Variants in EBF1 observed in about 807,000 individuals in gnomAD.
The protein encoded by EBF1 is transcription factor COE1.
EBF1 carries 10 observed loss-of-function variants against 68.4 expected under a neutral mutation model. The observed-to-expected ratio is 0.15, with a 90% CI of 0.09 to 0.25. The LOEUF (loss-of-function observed/expected upper bound fraction) is 0.25, where lower values mean the gene tolerates loss of function less well. EBF1 is among the 10% of genes least tolerant of loss of function. EBF1 has a pLI of 1.00. For synonymous variants in EBF1, 298 were observed against 299.8 expected (o/e 0.99, Z 0.06); for missense variants, 509 against 794.4 (o/e 0.64, Z 4.32).
intron 11 of EBF1, among the ~76,000 whole-genome samples, chr5:158,725,501 G>A (rs1227037078): frequency 3.3e-5 from 5 of 152,238 alleles, no homozygotes; most frequent in Admixed American, 6.5e-5. Flanking sequence ...TTAAAATACT[G>A]TGATCACTTA....
At position 158,823,249 on chromosome 5, in the gene EBF1, A is replaced by G. The variant is rs1562032038; in HGVS notation, c.705T>C (p.His235=). The G allele has an allele frequency of 8.1e-6, 13 of 1,613,884 alleles. No homozygotes were observed. The highest frequency in any genetic ancestry group is 1.1e-5 in the Non-Finnish European group (13 of 1,179,924). ...CCCTCCGCCCATGCTTGGAATTATTATGGACAAACATGTTATCAGAGACTG... is the reference window on the plus strand; with the variant it reads ...CCCTCCGCCCATGCTTGGAATTATTGTGGACAAACATGTTATCAGAGACTG... The part of the protein sequence containing the change: ...VLAVSDNMFV[H]NNSKHGRRAR... The change falls in exon 8 of 16, where the codon CAT becomes CAC. Residue 235 remains histidine (H), a synonymous_variant. Transcript: ENST00000313708.
rs373219007 is a variant in EBF1, at chr5:158,808,240, C to T, written c.779-11765G>A. Among the ~76,000 whole-genome samples the T allele has an allele frequency of 5.3e-5, 8 of 152,242 alleles. No individual in the cohort carries two copies. The East Asian group carries it at 1.5e-3, about 29-fold the overall frequency. On this transcript the variant is annotated intron_variant, in intron 8 of 15. Coordinates refer to ENST00000313708, the MANE Select transcript of EBF1 (RefSeq NM_024007.5). ...CTATGATGTACTGACTCAACTTCCT[C>T]AAAAATTACTCTTTGGGGTCTGGGC...
intron 6 of EBF1, among the ~76,000 whole-genome samples, chr5:159,035,031 A>G (rs1192739499): frequency 6.6e-6 from 1 of 152,216 alleles, no homozygotes; most frequent in Admixed American, 6.5e-5. Context: ...GAAAATCAAA[A>G]AATAAACCAG....
intron 6 of EBF1, among the ~76,000 whole-genome samples, chr5:158,944,987 A>T (rs1260423020): frequency 2.0e-5 from 3 of 152,046 alleles, no homozygotes; most frequent in Non-Finnish European, 4.4e-5. Context: ...TGTCAGATGG[A>T]TAGATTGCAA....
At chr5:159,002,956 G>A (rs1283964159) in intron 6 of EBF1, among the ~76,000 whole-genome samples, 1 of 152,188 alleles carries the variant, frequency 6.6e-6, no homozygotes, top group Non-Finnish European at 1.5e-5. Context: ...GAAGTTTTGT[G>A]AAAATAATCA....
intron 8 of EBF1, among the ~76,000 whole-genome samples, chr5:158,815,456 ATAAG>A (rs1783526121): frequency 6.6e-6 from 1 of 152,198 alleles, no homozygotes; most frequent in African/African-American, 2.4e-5. Flanking sequence ...TGATGAGATG[ATAAG>A]TAAAATAGTT....
intron 4 of EBF1, among the ~76,000 whole-genome samples, chr5:159,089,604 A>G (rs573575091): frequency 2.6e-5 from 4 of 152,282 alleles, no homozygotes; most frequent in African/African-American, 9.6e-5. Flanking sequence ...CTTTTCTAAT[A>G]GTTTTAACTC....
intron 11 of EBF1, among the ~76,000 whole-genome samples, chr5:158,727,157 T>C (rs1249046783): frequency 6.6e-6 from 1 of 152,180 alleles, no homozygotes; most frequent in East Asian, 1.9e-4. Context: ...TCTATGATCT[T>C]CGAAAACCTT....
At chr5:158,806,682 A>G (rs1246293356) in intron 8 of EBF1, among the ~76,000 whole-genome samples, 1 of 152,206 alleles carries the variant, frequency 6.6e-6, no homozygotes, top group African/African-American at 2.4e-5. Context: ...GTGCACATAA[A>G]CATTTTGTAA....
intron 6 of EBF1, among the ~76,000 whole-genome samples, chr5:158,925,106 T>C (rs1451403004): frequency 6.6e-6 from 1 of 152,130 alleles, no homozygotes; most frequent in African/African-American, 2.4e-5. Flanking sequence ...CCTGAAATAG[T>C]TCTCCTCACA....
chr5:159,094,708 C>A (rs1486046696), intron 4 of EBF1, among the ~76,000 whole-genome samples: 1 of 152,182 alleles, frequency 6.6e-6, no homozygotes, highest in Admixed American at 6.5e-5. Context: ...GGTTAGTACA[C>A]AATGGATAAC....
rs1197341770 is a variant in EBF1 at position 159,095,523 on chromosome 5, T to C, written c.411+97A>G. 6 of 1,439,520 alleles carry C rather than the reference T, an allele frequency of 4.2e-6. No homozygotes were observed. The African/African-American group carries it at 7.1e-5, about 17-fold the overall frequency. The allele number at this position is 1,439,520 out of a possible 1,614,324, so 89.2% of individuals were successfully genotyped here. ...AGCCGCCCCCGCTGGCTTTTAGAGT[T>C]AGAGTCCCAGCCCACCTGCGGTGGA... is the stretch of plus-strand genomic sequence containing the variant. On this transcript the variant is annotated intron_variant, in intron 4 of 15. Transcript: ENST00000313708.
intron 10 of EBF1, among the ~76,000 whole-genome samples, chr5:158,758,854 GACTCAAA>G (rs1483308501): frequency 6.6e-6 from 1 of 152,088 alleles, no homozygotes; most frequent in African/African-American, 2.4e-5. Flanking sequence ...TGATAATCAT[GACTCAAA>G]AATGTGGAGC....
chr5:158,965,484 T>C (rs990565987), intron 6 of EBF1, among the ~76,000 whole-genome samples: 2 of 152,226 alleles, frequency 1.3e-5, no homozygotes, highest in African/African-American at 4.8e-5. Context: ...TAGAGACTGC[T>C]CTGCAGCTTT....
chr5:158,943,657 T>C (rs894476235), intron 6 of EBF1, among the ~76,000 whole-genome samples: 2 of 152,066 alleles, frequency 1.3e-5, no homozygotes, highest in African/African-American at 4.8e-5. Context: ...TACCTAAGAG[T>C]GTGGCAGTGC....
At chr5:158,743,176 GA>G (rs1766801045) in intron 10 of EBF1, among the ~76,000 whole-genome samples, 1 of 152,128 alleles carries the variant, frequency 6.6e-6, no homozygotes, top group South Asian at 2.1e-4. Context: ...ACAAAAGGAG[GA>G]AAAAATTAAT....
intron 11 of EBF1, among the ~76,000 whole-genome samples, chr5:158,730,670 G>C (rs933842873): frequency 2.6e-5 from 4 of 152,194 alleles, no homozygotes; most frequent in African/African-American, 4.8e-5. Context: ...TTTTTCTTTT[G>C]AGAATTGGTA....
At chr5:158,926,351 A>G (rs1809687015) in intron 6 of EBF1, among the ~76,000 whole-genome samples, 1 of 152,216 alleles carries the variant, frequency 6.6e-6, no homozygotes, top group African/African-American at 2.4e-5. Context: ...TCTGAAGGTA[A>G]CAATAAGAAA....
Position 158,697,651 on chromosome 5 carries a change from CT to C in EBF1, c.*1459del, listed in dbSNP as rs548627731. ...GTATGTGCAAGCTAAAGGTAGTGAGCTTTTTTTCTTTGCAAAATACGCAGTA... is the reference window on the plus strand; with the variant it reads ...GTATGTGCAAGCTAAAGGTAGTGAGCTTTTTTCTTTGCAAAATACGCAGTA... On this transcript the variant is annotated 3_prime_UTR_variant, in exon 16 of 16. Transcript: ENST00000313708. 2.9e-4 allele frequency: 59 copies of C among 202,738 alleles called. No individual in the cohort carries two copies. The highest frequency in any genetic ancestry group is 9.9e-4 in the African/African-American group (43 of 43,644). 12.6% of individuals were successfully genotyped at this position (202,738 alleles called of 1,614,324 possible).
Sources: gnomAD v4.1 joint callset for allele counts (sites outside exome capture counted in the v4.1 genomes callset) on GRCh38, gnomAD v4.1.1 for gene constraint, MANE v1.5 for transcripts, NCBI Gene and HGNC (gene_info 2026-07-23, HGNC 2026-07-21) for gene names.